PLD4: variants seen among roughly 807,000 people sequenced by gnomAD.
PLD4 encodes phospholipase D family member 4.
Under a neutral mutation model 52.3 loss-of-function variants are expected in PLD4, and 54 were observed. The observed-to-expected ratio is 1.03, with a 90% CI of 0.83 to 1.30. The LOEUF is 1.30. Ranked by LOEUF, PLD4 falls within the 50% of genes most tolerant of loss-of-function variation. The probability of loss-of-function intolerance (pLI) is 0.00; values close to 1 mark genes in which losing one functional copy is unlikely to be tolerated. For synonymous variants in PLD4, 264 were observed against 286.5 expected, an observed-to-expected ratio of 0.92 and a Z score of 0.79; for missense variants, 731 against 671.1, an observed-to-expected ratio of 1.09 and a Z score of -0.99.
intron 6 of PLD4, 186 bp from the exon 7 acceptor site, chr14:104,930,556 G>C: frequency 1.6e-6 from 1 of 625,426 alleles, no homozygotes; most frequent in South Asian, 1.9e-5. Flanking sequence ...CAAAAACACA[G>C]GCACCCGCTG....
chr14:104,933,126 G>A lies in PLD4; in HGVS notation c.*162G>A. ...GTCGCAAACCGCCCGCCTGCTCTCTGATTTCCGAGTCCAGCCCCCCCTGAG... is the reference window on the plus strand; with the variant it reads ...GTCGCAAACCGCCCGCCTGCTCTCTAATTTCCGAGTCCAGCCCCCCCTGAG... On this transcript the variant is annotated 3_prime_UTR_variant, in exon 11 of 11. Transcript: ENST00000392593. 1.3e-6 allele frequency: 1 copy of A among 781,768 alleles called. No individual in the cohort carries two copies. Among genetic ancestry groups the A allele is most frequent in the Non-Finnish European group, 1.9e-6 (1 of 523,556 alleles). 48.4% of individuals were successfully genotyped at this position (781,768 alleles called of 1,614,324 possible). A position where few individuals can be genotyped will look rare whatever the true frequency, so the allele number is the denominator to read the frequency against.
In PLD4 at chr14:104,933,148, T is replaced by G. The variant is rs906001663; in HGVS notation, c.*184T>G. ...TCTGATTTCCGAGTCCAGCCCCCCC[T>G]GAGCCCCACCTCCTCCAGGGAGCCC... On this transcript the variant is annotated 3_prime_UTR_variant, in exon 11 of 11. Coordinates refer to ENST00000392593, the MANE Select transcript of PLD4 (RefSeq NM_138790.5). 1.6e-6 allele frequency: 1 copy of G among 644,382 alleles called. No individual in the cohort carries two copies. Among genetic ancestry groups the G allele is most frequent in the Non-Finnish European group, 2.5e-6 (1 of 401,178 alleles). 39.9% of individuals were successfully genotyped at this position (644,382 alleles called of 1,614,324 possible). A position where few individuals can be genotyped will look rare whatever the true frequency, so the allele number is the denominator to read the frequency against.
chr14:104,933,988 G>A (rs1299843075), downstream of PLD4: 3 of 108,174 alleles, frequency 2.8e-5, no homozygotes, highest in African/African-American at 1.2e-4. Context: ...AGGGGAGGGT[G>A]GGAGGGGACC....
Position 104,931,835 on chromosome 14 carries a change from T to C in PLD4, c.1006T>C (p.Tyr336His). The change falls in exon 8 of 11, where the codon TAT (tyrosine) becomes CAT (histidine). Residue 336 changes from tyrosine (Y) to histidine (H), a missense_variant. Coordinates refer to ENST00000392593, the MANE Select transcript of PLD4 (RefSeq NM_138790.5). ...GATGGGGAGCGCCCAGGAGTTCATCTATGCCTCCGTGATGGAGTATTTCCC... is the reference window on the plus strand; with the variant it reads ...GATGGGGAGCGCCCAGGAGTTCATCCATGCCTCCGTGATGGAGTATTTCCC... ...AVMGSAQEFI[Y>H]ASVMEYFPTT... The C allele has an allele frequency of 1.3e-6, 2 of 1,567,404 alleles. No individual in the cohort carries two copies. Among genetic ancestry groups the C allele is most frequent in the Non-Finnish European group, 1.7e-6 (2 of 1,155,296 alleles).
chr14:104,926,500 T>C (rs2582532), intron 1 of PLD4, among the ~76,000 whole-genome samples: 140,664 of 152,166 alleles, frequency 0.92, 65,507 homozygotes, highest in Non-Finnish European at 0.99. Context: ...CAACCCCCTC[T>C]GCCAGCAGTA....
At position 104,932,194 on chromosome 14, in the gene PLD4, G is replaced by C. The variant is rs747948069; in HGVS notation, c.1224+17G>C. On this transcript the variant is annotated intron_variant, in intron 9 of 10. Coordinates refer to ENST00000392593, the MANE Select transcript of PLD4 (RefSeq NM_138790.5). This position sits in a 1 kb window ranked among gnomAD's most constrained non-coding sequence, Gnocchi z 6.5. Reference sequence around the variant, plus strand: ...GTGGACGTGGTGAGGGCGTGCTCCCGGCCGGGCGTGGGAAAGGCGGCCCTC... The same window carrying C: ...GTGGACGTGGTGAGGGCGTGCTCCCCGCCGGGCGTGGGAAAGGCGGCCCTC... 1.9e-6 allele frequency: 3 copies of C among 1,611,822 alleles called. No homozygotes were observed. Among genetic ancestry groups the C allele is most frequent in the Admixed American group, 1.7e-5 (1 of 59,950 alleles).
chr14:104,930,442 A>G (rs1272643661), intron 6 of PLD4, among the ~76,000 whole-genome samples: 1 of 152,224 alleles, frequency 6.6e-6, no homozygotes, highest in African/African-American at 2.4e-5. Context: ...CATGGTTATC[A>G]CTTGACAGTG....
chr14:104,931,279 G>A (rs887103283), intron 7 of PLD4, among the ~76,000 whole-genome samples: 4 of 152,198 alleles, frequency 2.6e-5, no homozygotes, highest in African/African-American at 9.7e-5. Flanking sequence ...GCTGGGCACT[G>A]GAGAGGGAGG....
At chr14:104,929,449 G>T in intron 5 of PLD4, 22 bp downstream of exon 5, 1 of 1,537,670 alleles carries the variant, frequency 6.5e-7, no homozygotes, top group East Asian at 2.4e-5. Context: ...CACCATGCTG[G>T]GCACCACTGC....
downstream of PLD4, chr14:104,935,270 T>C (rs1897782308): frequency 6.6e-6 from 1 of 152,278 alleles, no homozygotes; most frequent in Non-Finnish European, 1.5e-5. Flanking sequence ...GCCAACTATG[T>C]TCTAGGAGGG....
chr14:104,935,257 C>G (rs933966579), downstream of PLD4: 1 of 152,274 alleles, frequency 6.6e-6, no homozygotes, highest in Non-Finnish European at 1.5e-5. Context: ...GCTCTCTTGG[C>G]CTGCCAACTA....
intron 7 of PLD4, 95 bp downstream of exon 7, chr14:104,931,037 C>T: frequency 7.2e-7 from 1 of 1,387,940 alleles, no homozygotes; most frequent in Non-Finnish European, 1.0e-6. Context: ...CTGCAGACAC[C>T]AGCAGCATCA....
At chr14:104,926,190 G>A (rs1049635900) in intron 1 of PLD4, among the ~76,000 whole-genome samples, 1 of 152,168 alleles carries the variant, frequency 6.6e-6, no homozygotes, top group South Asian at 2.1e-4. Flanking sequence ...CCCAAACCTC[G>A]GAGACATCCC....
chr14:104,933,304 G>A (rs1049948977), downstream of PLD4: 1 of 227,758 alleles, frequency 4.4e-6, no homozygotes, highest in Non-Finnish European at 8.6e-6. Context: ...GCCTCTATGC[G>A]CCCGCCCCTG....
At chr14:104,929,955 C>T (rs923906271) in intron 5 of PLD4, 23 bp from the exon 6 acceptor site, 3 of 1,612,620 alleles carry the variant, frequency 1.9e-6, no homozygotes, top group African/African-American at 1.3e-5. Flanking sequence ...CTAGTTCATC[C>T]CATTGCCTGA....
At position 104,931,844 on chromosome 14, in the gene PLD4, G is replaced by A. The variant is rs375442580; in HGVS notation, c.1015G>A (p.Val339Met). 7 of 1,561,306 alleles carry A rather than the reference G, an allele frequency of 4.5e-6. No homozygotes were observed. Among genetic ancestry groups the A allele is most frequent in the South Asian group, 2.4e-5 (2 of 84,344 alleles). ...GSAQEFIYASVMEYFPTTRFS... is the reference protein window; with the variant it reads ...GSAQEFIYASMMEYFPTTRFS... ...CGCCCAGGAGTTCATCTATGCCTCC[G>A]TGATGGAGTATTTCCCCACCACGCG... Residue 339 changes from valine to methionine, a missense_variant, in exon 8 of 11, where the codon GTG becomes ATG. Val to Met is a conservative substitution (Grantham distance 21). Coordinates refer to ENST00000392593, the MANE Select transcript of PLD4 (RefSeq NM_138790.5).
intron 1 of PLD4, among the ~76,000 whole-genome samples, chr14:104,926,131 G>A (rs1217903209): frequency 1.3e-5 from 2 of 151,934 alleles, no homozygotes; most frequent in Non-Finnish European, 2.9e-5. Context: ...GGGTCCCAGC[G>A]CCCAGCCTGG....
rs1437002989 is a variant in PLD4 at position 104,927,005 on chromosome 14, G to T, written c.1-136G>T. 4.2e-6 allele frequency: 3 copies of T among 706,836 alleles called. 1 individual carries two copies. The highest frequency in any genetic ancestry group is 6.3e-6 in the Non-Finnish European group (3 of 479,180). 43.8% of individuals were successfully genotyped at this position (706,836 alleles called of 1,614,324 possible). A position where few individuals can be genotyped will look rare whatever the true frequency, so the allele number is the denominator to read the frequency against. On this transcript the variant is annotated intron_variant, in intron 1 of 10. Transcript: ENST00000392593. ...CCCCCAACATCCAGGGCGTGACCTC[G>T]GGCATGAGTGGGGGGCTTTTGGGGG... is the stretch of plus-strand genomic sequence containing the variant.
chr14:104,929,451 C>T, intron 5 of PLD4, 24 bp downstream of exon 5: 1 of 1,533,446 alleles, frequency 6.5e-7, no homozygotes, highest in Non-Finnish European at 8.8e-7. Context: ...CCATGCTGGG[C>T]ACCACTGCCC....
Sources: gnomAD v4.1 joint callset for allele counts (sites outside exome capture counted in the v4.1 genomes callset) on GRCh38, gnomAD v4.1.1 for gene constraint, Gnocchi (gnomAD v3.1) non-coding constraint, MANE v1.5 for transcripts, NCBI Gene and HGNC (gene_info 2026-07-23, HGNC 2026-07-21) for gene names.